The following NR6A1 variants were observed in gnomAD, a reference collection of about 807,000 sequenced individuals.
NR6A1 encodes the protein retinoic acid receptor-related testis-associated receptor.
NR6A1 carries 7 observed loss-of-function variants against 59.1 expected under a neutral mutation model. The observed-to-expected ratio is 0.12, with a 90% confidence interval of 0.07 to 0.22. The LOEUF (loss-of-function observed/expected upper bound fraction) is 0.22. NR6A1 is among the 10% of genes least tolerant of loss of function. The probability of loss-of-function intolerance (pLI) is 1.00; values close to 1 mark genes in which losing one functional copy is unlikely to be tolerated. For missense variants in NR6A1, 468 were observed against 611.6 expected (o/e 0.77, Z 2.48); for synonymous variants, 243 against 236.1 (o/e 1.03, Z -0.27).
intron 2 of NR6A1, among the ~76,000 whole-genome samples, chr9:124,576,454 A>AT (rs1413146605): frequency 1.3e-5 from 2 of 151,946 alleles, no homozygotes; most frequent in Non-Finnish European, 2.9e-5. Context: ...CGCCCAGCTA[A>AT]TTTTTTGTAT....
intron 2 of NR6A1, among the ~76,000 whole-genome samples, chr9:124,627,049 A>G (rs1049042076): frequency 2.0e-5 from 3 of 152,238 alleles, no homozygotes; most frequent in Non-Finnish European, 4.4e-5. Flanking sequence ...TTCTATTTAG[A>G]AAATGCTTTT....
At chr9:124,669,771 A>G (rs1021437287) in intron 2 of NR6A1, among the ~76,000 whole-genome samples, 2 of 152,086 alleles carry the variant, frequency 1.3e-5, no homozygotes, top group Non-Finnish European at 2.9e-5. Flanking sequence ...TAATTTTTGT[A>G]TTTTTAGTAG....
chr9:124,557,190 G>A (rs924768671), intron 2 of NR6A1, among the ~76,000 whole-genome samples: 8 of 151,986 alleles, frequency 5.3e-5, no homozygotes, highest in Admixed American at 2.6e-4. Flanking sequence ...GTGCAGTAGC[G>A]CGATCTTGGC....
At chr9:124,676,148 G>GT in intron 2 of NR6A1, among the ~76,000 whole-genome samples, 1 of 152,260 alleles carries the variant, frequency 6.6e-6, no homozygotes, top group Admixed American at 6.5e-5. Flanking sequence ...TCAGAAGCAT[G>GT]TGACAGGCAA....
intron 2 of NR6A1, among the ~76,000 whole-genome samples, chr9:124,631,086 T>C (rs547867944): frequency 6.6e-6 from 1 of 152,328 alleles, no homozygotes; most frequent in African/African-American, 2.4e-5. Flanking sequence ...CAAGCTCAGT[T>C]TCTGGGATAT....
rs892904631 is a variant in NR6A1, at chr9:124,624,514, G to A, written c.143-69944C>T. ...GGTATCTTTTCTTAAAATCTCTGTT[G>A]GCATCATGTCCCTGCTTAGCCTGAG... On this transcript the variant is annotated intron_variant, in intron 2 of 9. Transcript: ENST00000487099. Among the ~76,000 whole-genome samples the A allele has an allele frequency of 2.0e-5, 3 of 152,064 alleles. No homozygotes were observed. In the East Asian group the frequency reaches 5.8e-4, roughly 29 times the overall value.
intron 2 of NR6A1, among the ~76,000 whole-genome samples, chr9:124,700,647 C>G (rs146215896): frequency 2.0e-4 from 30 of 151,918 alleles, no homozygotes; most frequent in Non-Finnish European, 1.5e-5. Context: ...TATAGGTATT[C>G]CACATTTTGT....
chr9:124,686,615 G>T (rs545376796), intron 2 of NR6A1, among the ~76,000 whole-genome samples: 2 of 152,058 alleles, frequency 1.3e-5, no homozygotes, highest in South Asian at 4.1e-4. Context: ...CTTCCTGTGG[G>T]TTTGCAAAAT....
intron 2 of NR6A1, among the ~76,000 whole-genome samples, chr9:124,558,123 A>G (rs1228745314): frequency 6.6e-6 from 1 of 152,230 alleles, no homozygotes; most frequent in African/African-American, 2.4e-5. Flanking sequence ...ATGGAGTTCA[A>G]TAACCTCTGC....
intron 2 of NR6A1, among the ~76,000 whole-genome samples, chr9:124,631,099 A>G (rs1370898352): frequency 6.6e-6 from 1 of 152,206 alleles, no homozygotes; most frequent in African/African-American, 2.4e-5. Context: ...TGGGATATAA[A>G]TGATGTTCAA....
At chr9:124,566,360 T>G (rs551585240) in intron 2 of NR6A1, among the ~76,000 whole-genome samples, 11 of 152,352 alleles carry the variant, frequency 7.2e-5, no homozygotes, top group African/African-American at 2.6e-4. Flanking sequence ...TACATTTGTA[T>G]TTTATCTATT....
intron 2 of NR6A1, among the ~76,000 whole-genome samples, chr9:124,668,518 A>AAT (rs1359439829): frequency 6.6e-6 from 1 of 152,228 alleles, no homozygotes; most frequent in Admixed American, 6.5e-5. Flanking sequence ...AAACTTAGAT[A>AAT]ATACAGAAAA....
chr9:124,685,564 A>C (rs1838306351), intron 2 of NR6A1, among the ~76,000 whole-genome samples: 1 of 152,172 alleles, frequency 6.6e-6, no homozygotes, highest in African/African-American at 2.4e-5. Flanking sequence ...TCCTGGGCCC[A>C]AGTGATCCTC....
intron 1 of NR6A1, among the ~76,000 whole-genome samples, chr9:124,765,010 T>C (rs1374068104): frequency 6.6e-6 from 1 of 152,220 alleles, no homozygotes; most frequent in African/African-American, 2.4e-5. Flanking sequence ...CCATCTGTGG[T>C]TTATGCTTGA....
chr9:124,635,472 C>T (rs1836581337), intron 2 of NR6A1, among the ~76,000 whole-genome samples: 1 of 152,198 alleles, frequency 6.6e-6, no homozygotes, highest in Admixed American at 6.5e-5. Flanking sequence ...TCTCCTGCCC[C>T]GCTGTGAAGA....
At chr9:124,570,162 T>G (rs1162198315) in intron 2 of NR6A1, among the ~76,000 whole-genome samples, 1 of 152,222 alleles carries the variant, frequency 6.6e-6, no homozygotes, top group African/African-American at 2.4e-5. Flanking sequence ...TTTACTGAGA[T>G]GAATACATAA....
At chr9:124,590,962 G>A (rs558393805) in intron 2 of NR6A1, among the ~76,000 whole-genome samples, 1 of 152,154 alleles carries the variant, frequency 6.6e-6, no homozygotes, top group South Asian at 2.1e-4. Flanking sequence ...GTAGAGAAAA[G>A]GCCAGAAATT....
At position 124,732,697 on chromosome 9, in the gene NR6A1, AT is replaced by A. The variant is rs879596333; in HGVS notation, c.142+610del. 7.1e-3 allele frequency among the ~76,000 whole-genome samples: 1,018 copies of A among 143,772 alleles called. 3 individuals carry two copies. Among genetic ancestry groups the A allele is most frequent in the African/African-American group, 9.4e-3 (370 of 39,446 alleles). 94.3% of individuals were successfully genotyped at this position (143,772 alleles called of 152,430 possible). A position where few individuals can be genotyped will look rare whatever the true frequency, so the allele number is the denominator to read the frequency against. ...TCCATGTGCATAAATGCAAGTACGAATTTTTTTTTTTTTTTTGAGGTGGAGT... is the reference window on the plus strand; with the variant it reads ...TCCATGTGCATAAATGCAAGTACGAATTTTTTTTTTTTTTTGAGGTGGAGT... On this transcript the variant is annotated intron_variant, in intron 2 of 9. Transcript: ENST00000487099.
chr9:124,544,653 G>GT lies in NR6A1; in HGVS notation c.386-797dup, dbSNP rs1419591044. ...AGTGTACAAAAAAAGCAAGCTGAAG[G>GT]TAAGAATAAGCTCTTCTTTCTGGGA... On this transcript the variant is annotated intron_variant, in intron 3 of 9. Transcript: ENST00000487099. 3.3e-5 allele frequency among the ~76,000 whole-genome samples: 5 copies of GT among 152,302 alleles called. No homozygotes were observed. The East Asian group carries it at 9.6e-4, about 29-fold the overall frequency.
Sources: gnomAD v4.1 joint callset for allele counts (sites outside exome capture counted in the v4.1 genomes callset) on GRCh38, gnomAD v4.1.1 for gene constraint, MANE v1.5 for transcripts, NCBI Gene and HGNC (gene_info 2026-07-23, HGNC 2026-07-21) for gene names.